Variants in FHIP1A observed in about 807,000 individuals in gnomAD.
The protein encoded by FHIP1A is FHF complex subunit HOOK interacting protein 1A.
A neutral mutation model predicts 88.6 loss-of-function variants in FHIP1A; 61 were observed. The observed-to-expected ratio is 0.69, with a 90% confidence interval of 0.56 to 0.85. The LOEUF (loss-of-function observed/expected upper bound fraction) is 0.85. Among genes scored for constraint, FHIP1A ranks in the 40% least tolerant of loss-of-function variants. FHIP1A has a pLI of 0.00. For missense variants in FHIP1A, 1,154 were observed against 1,273.5 expected, an observed-to-expected ratio of 0.91 and a Z score of 1.43; for synonymous variants, 478 against 496.0, an observed-to-expected ratio of 0.96 and a Z score of 0.48.
At chr4:151,495,698 A>G (rs1730438179) in intron 3 of FHIP1A, among the ~76,000 whole-genome samples, 1 of 138,010 alleles carries the variant, frequency 7.2e-6, no homozygotes, top group African/African-American at 2.7e-5. Flanking sequence ...ATCTCGGCTC[A>G]CTGCAACCTC....
At chr4:151,458,193 A>G (rs1322860449) in intron 2 of FHIP1A, among the ~76,000 whole-genome samples, 1 of 152,214 alleles carries the variant, frequency 6.6e-6, no homozygotes, top group Non-Finnish European at 1.5e-5. Flanking sequence ...AGGTTTGTCT[A>G]ACTCAGAATC....
intron 9 of FHIP1A, among the ~76,000 whole-genome samples, chr4:151,644,816 C>T (rs561247491): frequency 2.6e-5 from 4 of 152,298 alleles, no homozygotes; most frequent in African/African-American, 9.6e-5. Flanking sequence ...CACCCTGGCG[C>T]CCTCCTGTGG....
At chr4:151,621,795 CT>C (rs199966761) in intron 7 of FHIP1A, among the ~76,000 whole-genome samples, 2,069 of 142,508 alleles carry the variant, frequency 0.015, 39 homozygotes, top group African/African-American at 0.046. Context: ...GGAAGCATTT[CT>C]TTTTTTTTTT....
chr4:151,614,568 A>T (rs1019157274), intron 7 of FHIP1A, among the ~76,000 whole-genome samples: 1 of 151,758 alleles, frequency 6.6e-6, no homozygotes. Context: ...AATATTGGAG[A>T]TCCATATTTG....
At chr4:151,589,716 T>A (rs1412594941) in intron 7 of FHIP1A, among the ~76,000 whole-genome samples, 1 of 152,176 alleles carries the variant, frequency 6.6e-6, no homozygotes, top group Non-Finnish European at 1.5e-5. Flanking sequence ...GACTTTTATT[T>A]TACAGAATCC....
At chr4:151,514,308 G>T (rs2126682313) in intron 3 of FHIP1A, among the ~76,000 whole-genome samples, 1 of 152,130 alleles carries the variant, frequency 6.6e-6, no homozygotes, top group South Asian at 2.1e-4. Context: ...AAAGCAGTGT[G>T]TAGAGGGAAA....
chr4:151,633,644 T>C (rs1736238433), intron 8 of FHIP1A, among the ~76,000 whole-genome samples: 1 of 151,934 alleles, frequency 6.6e-6, no homozygotes, highest in Non-Finnish European at 1.5e-5. Context: ...GCAATGATAC[T>C]TCACCATATG....
intron 5 of FHIP1A, among the ~76,000 whole-genome samples, chr4:151,585,334 C>T (rs1382138373): frequency 6.6e-6 from 1 of 152,130 alleles, no homozygotes; most frequent in African/African-American, 2.4e-5. Flanking sequence ...CTTGTGCCAC[C>T]ACACCCAGCT....
At chr4:151,660,192 C>G (rs1737402609) in intron 13 of FHIP1A, among the ~76,000 whole-genome samples, 1 of 152,184 alleles carries the variant, frequency 6.6e-6, no homozygotes, top group Non-Finnish European at 1.5e-5. Context: ...CGGAGGGGAG[C>G]CCGGGTCAAT....
intron 4 of FHIP1A, among the ~76,000 whole-genome samples, chr4:151,567,848 T>C (rs1423346205): frequency 6.6e-6 from 1 of 152,204 alleles, no homozygotes; most frequent in African/African-American, 2.4e-5. Flanking sequence ...ACTGAGAACA[T>C]TTTCAGCTCC....
chr4:151,575,083 A>G (rs1733735166), intron 4 of FHIP1A, among the ~76,000 whole-genome samples: 1 of 152,100 alleles, frequency 6.6e-6, no homozygotes. Flanking sequence ...CTAATTTGCC[A>G]CTCCACCATC....
chr4:151,656,968 T>G lies in FHIP1A; in HGVS notation c.2869+70T>G. On this transcript the variant is annotated intron_variant, in intron 13 of 13. Transcript: ENST00000435205. This position sits in a 1 kb window ranked among gnomAD's most constrained non-coding sequence, Gnocchi z 4.2. The stretch of plus-strand genomic sequence containing the variant: ...CACGTCCCTGGCCTACTGGCCTCAG[T>G]TCACAGATGCTGCACTGGCTTCTGG... The G allele has an allele frequency of 7.0e-7, 1 of 1,432,062 alleles. No homozygotes were observed. The highest frequency in any genetic ancestry group is 9.4e-7 in the Non-Finnish European group (1 of 1,066,882). The allele number at this position is 1,432,062 out of a possible 1,614,324, so 88.7% of individuals were successfully genotyped here. A position where few individuals can be genotyped will look rare whatever the true frequency, so the allele number is the denominator to read the frequency against.
chr4:151,580,364 C>T (rs1389316992), intron 5 of FHIP1A, among the ~76,000 whole-genome samples: 1 of 152,194 alleles, frequency 6.6e-6, no homozygotes, highest in Non-Finnish European at 1.5e-5. Context: ...GGTTACTTTA[C>T]AAGCGATGCT....
intron 3 of FHIP1A, among the ~76,000 whole-genome samples, chr4:151,526,368 C>T (rs1218270787): frequency 1.4e-3 from 210 of 145,726 alleles, no homozygotes; most frequent in Admixed American, 5.1e-3. Context: ...CCAGACGAGG[C>T]GGCTGGCCGG....
At chr4:151,489,415 A>G (rs1341469739) in intron 3 of FHIP1A, among the ~76,000 whole-genome samples, 1 of 152,178 alleles carries the variant, frequency 6.6e-6, no homozygotes, top group African/African-American at 2.4e-5. Context: ...GAACTTTGTA[A>G]TAATTTTGAC....
intron 2 of FHIP1A, among the ~76,000 whole-genome samples, chr4:151,475,341 A>C (rs536870791): frequency 6.6e-6 from 1 of 152,334 alleles, no homozygotes; most frequent in East Asian, 1.9e-4. Context: ...ACATGTGAAT[A>C]TATATGAGAT....
chr4:151,597,930 G>A (rs1360820689), intron 7 of FHIP1A, among the ~76,000 whole-genome samples: 2 of 152,160 alleles, frequency 1.3e-5, no homozygotes, highest in Admixed American at 6.5e-5. Context: ...TGCTGGCTGC[G>A]AGAATTTCAA....
At chr4:151,658,774 G>A (rs551334759) in intron 13 of FHIP1A, among the ~76,000 whole-genome samples, 1 of 152,270 alleles carries the variant, frequency 6.6e-6, no homozygotes, top group South Asian at 2.1e-4. Flanking sequence ...TTCTCAAGCG[G>A]TCAATTTTCA....
chr4:151,579,718 C>T (rs1161340819), intron 5 of FHIP1A, among the ~76,000 whole-genome samples: 2 of 152,044 alleles, frequency 1.3e-5, no homozygotes, highest in African/African-American at 4.8e-5. Flanking sequence ...AGCTCTACAG[C>T]TTGTAGATAG....
Sources: allele counts gnomAD v4.1 joint callset (sites outside exome capture counted in the v4.1 genomes callset), GRCh38; gene constraint gnomAD v4.1.1; non-coding constraint Gnocchi (gnomAD v3.1); transcripts MANE v1.5; gene names NCBI Gene and HGNC (gene_info 2026-07-23, HGNC 2026-07-21).